The following RNF141 variants were observed in gnomAD, a reference collection of about 807,000 sequenced individuals.
RNF141 encodes C3HC4-like zinc finger protein.
In RNF141, 18 loss-of-function variants were observed where a neutral mutation model predicts 27.4. The observed-to-expected ratio is 0.66, with a 90% CI of 0.45 to 0.97. RNF141 has a LOEUF of 0.97. RNF141 is among the 50% of genes least tolerant of loss of function. The pLI, the probability that RNF141 is intolerant of heterozygous loss-of-function variation, is 0.00. For synonymous variants in RNF141, 97 were observed against 96.6 expected, an observed-to-expected ratio of 1.00 and a Z score of -0.02; for missense variants, 230 against 279.4, an observed-to-expected ratio of 0.82 and a Z score of 1.26.
chr11:10,526,277 T>C (rs1240256059), intron 3 of RNF141, among the ~76,000 whole-genome samples: 1 of 151,962 alleles, frequency 6.6e-6, no homozygotes, highest in African/African-American at 2.4e-5. Context: ...AAATGAAGAA[T>C]ATAGGGAGAG....
chr11:10,529,807 C>T (rs1849970182), intron 3 of RNF141, among the ~76,000 whole-genome samples: 1 of 152,150 alleles, frequency 6.6e-6, no homozygotes, highest in African/African-American at 2.4e-5. Context: ...ATGCCTCTCA[C>T]ACTTGTGCTC....
At chr11:10,533,751 G>A (rs1440393670) in intron 2 of RNF141, among the ~76,000 whole-genome samples, 2 of 152,032 alleles carry the variant, frequency 1.3e-5, no homozygotes, top group Non-Finnish European at 2.9e-5. Context: ...ATGTACTACT[G>A]TATCCTAGAA....
At chr11:10,515,144 C>T in intron 5 of RNF141, 78 bp from the exon 6 acceptor site, 1 of 1,432,400 alleles carries the variant, frequency 7.0e-7, no homozygotes, top group Non-Finnish European at 9.4e-7. Flanking sequence ...AATACATGCA[C>T]ATGGCTTTTA....
intron 3 of RNF141, among the ~76,000 whole-genome samples, chr11:10,527,331 G>A (rs578118406): frequency 2.8e-4 from 42 of 152,310 alleles, no homozygotes; most frequent in Middle Eastern, 3.4e-3. Flanking sequence ...GAGAAGGAAC[G>A]CTGAGGGGTT....
intron 4 of RNF141, 101 bp downstream of exon 4, chr11:10,525,091 A>AAT: frequency 1.1e-6 from 1 of 891,922 alleles, no homozygotes; most frequent in Non-Finnish European, 1.6e-6. Context: ...GAAAAAAAAA[A>AAT]GATTTAAGAT....
chr11:10,528,168 AGACTT>A (rs1849954932), intron 3 of RNF141, among the ~76,000 whole-genome samples: 1 of 152,188 alleles, frequency 6.6e-6, no homozygotes, highest in Admixed American at 6.5e-5. Context: ...GTCAAGAAAA[AGACTT>A]AATGTAAATA....
rs972268566 is a variant in RNF141, at chr11:10,512,788, C to G, written c.*2128G>C. 6.6e-6 allele frequency: 1 copy of G among 151,918 alleles called. No homozygotes were observed. Among genetic ancestry groups the G allele is most frequent in the Non-Finnish European group, 1.5e-5 (1 of 67,970 alleles). The allele number at this position is 151,918 out of a possible 1,614,324, so 9.4% of individuals were successfully genotyped here. ...AAAATTTTTTTAAAAAAAACGACTC[C>G]CACTATATGTGTGTTACTCACCAAA... On this transcript the variant is annotated 3_prime_UTR_variant, in exon 6 of 6. Transcript: ENST00000265981.
intron 1 of RNF141, among the ~76,000 whole-genome samples, chr11:10,539,044 G>T (rs1256740779): frequency 6.6e-6 from 1 of 152,096 alleles, no homozygotes; most frequent in Non-Finnish European, 1.5e-5. Context: ...CTTTCAAAAA[G>T]CATTTGAAGG....
chr11:10,525,431 C>T (rs1849924547), intron 3 of RNF141, 58 bp from the exon 4 acceptor site: 1 of 1,334,608 alleles, frequency 7.5e-7, no homozygotes, highest in Non-Finnish European at 1.0e-6. Context: ...CCAATTTTTC[C>T]CAAAAAGGGG....
chr11:10,519,938 C>T (rs767147454), intron 4 of RNF141, among the ~76,000 whole-genome samples: 1 of 152,052 alleles, frequency 6.6e-6, no homozygotes, highest in Admixed American at 6.5e-5. Flanking sequence ...TCTTGGGCCA[C>T]ATATATACTA....
rs1383265408 is a variant in RNF141 at position 10,512,307 on chromosome 11, C to G, written c.*2609G>C. 6.6e-6 allele frequency: 1 copy of G among 152,648 alleles called. No homozygotes were observed. The highest frequency in any genetic ancestry group is 1.5e-5 in the Non-Finnish European group (1 of 68,034). 9.5% of individuals were successfully genotyped at this position (152,648 alleles called of 1,614,324 possible). A position where few individuals can be genotyped will look rare whatever the true frequency, so the allele number is the denominator to read the frequency against. On this transcript the variant is annotated 3_prime_UTR_variant, in exon 6 of 6. Transcript: ENST00000265981. ...AGTAGAACTGACCTAACATTCACAT[C>G]TAAATAATTATCACCCAGTTCAATA...
chr11:10,533,572 TAC>T (rs765965313), intron 2 of RNF141, among the ~76,000 whole-genome samples: 8 of 152,092 alleles, frequency 5.3e-5, no homozygotes, highest in Non-Finnish European at 7.4e-5. Flanking sequence ...TGTGTCTATA[TAC>T]ACACACACAT....
chr11:10,516,489 G>T (rs12225339), intron 5 of RNF141: 2 of 152,238 alleles, frequency 1.3e-5, no homozygotes, highest in African/African-American at 4.8e-5. Flanking sequence ...TGAACACACA[G>T]AGCTGAGAAT....
At chr11:10,528,514 A>G (rs1180997306) in intron 3 of RNF141, among the ~76,000 whole-genome samples, 3 of 152,196 alleles carry the variant, frequency 2.0e-5, no homozygotes, top group Admixed American at 6.5e-5. Context: ...TACTAATAAA[A>G]TTAAACCTTA....
chr11:10,534,714 G>T (rs12277871), intron 1 of RNF141, among the ~76,000 whole-genome samples: 1 of 151,808 alleles, frequency 6.6e-6, no homozygotes, highest in Non-Finnish European at 1.5e-5. Context: ...TTTATCTAAA[G>T]TTACACAGCT....
rs571634684 is a variant in RNF141 at position 10,521,235 on chromosome 11, A to G, written c.435-2094T>C. On this transcript the variant is annotated intron_variant, in intron 4 of 5. Transcript: ENST00000265981. Reference sequence around the variant, plus strand: ...CAACCTTGGTAACTCAGCTCAAAACATCATCATCTCTCTGCTCTCAAAATC... The same window carrying G: ...CAACCTTGGTAACTCAGCTCAAAACGTCATCATCTCTCTGCTCTCAAAATC... Among the ~76,000 whole-genome samples, 6 of 152,308 alleles carry G rather than the reference A, an allele frequency of 3.9e-5. No individual in the cohort carries two copies. The South Asian group carries it at 1.0e-3, about 26-fold the overall frequency.
intron 5 of RNF141, chr11:10,515,297 TGTGTACACACATGCACGCAC>T (rs1849834650): frequency 1.9e-6 from 1 of 537,260 alleles, no homozygotes; most frequent in African/African-American, 1.9e-5. Flanking sequence ...ATTAAGCTTA[TGTGTACACACATGCACGCAC>T]GTGCACACAC....
intron 2 of RNF141, among the ~76,000 whole-genome samples, chr11:10,532,567 A>G (rs1849998504): frequency 6.6e-6 from 1 of 151,120 alleles, no homozygotes; most frequent in Admixed American, 6.6e-5. Context: ...TTTTTGTTTT[A>G]TATTGTTTTG....
intron 5 of RNF141, chr11:10,515,367 GT>G (rs1366056596): frequency 1.1e-5 from 3 of 266,792 alleles, no homozygotes; most frequent in African/African-American, 6.6e-5. Flanking sequence ...AGACTAGTAT[GT>G]ATCAGCACCT....
Sources: allele counts gnomAD v4.1 joint callset (sites outside exome capture counted in the v4.1 genomes callset), GRCh38; gene constraint gnomAD v4.1.1; transcripts MANE v1.5; gene names NCBI Gene and HGNC (gene_info 2026-07-23, HGNC 2026-07-21).